The following ARMC8 variants were observed in gnomAD, a reference collection of about 807,000 sequenced individuals.
The protein encoded by ARMC8 is armadillo repeat-containing protein 8.
In ARMC8, 20 loss-of-function variants were observed where a neutral mutation model predicts 99.3. The observed-to-expected ratio is 0.20, with a 90% CI of 0.14 to 0.29. The LOEUF (loss-of-function observed/expected upper bound fraction) is 0.29, where lower values mean the gene tolerates loss of function less well. Ranked by LOEUF, ARMC8 falls within the 10% of genes least tolerant of loss-of-function variation. The pLI, the probability that ARMC8 is intolerant of heterozygous loss-of-function variation, is 1.00. For synonymous variants in ARMC8, 263 were observed against 278.3 expected (o/e 0.95, Z 0.55); for missense variants, 569 against 809.5 (o/e 0.70, Z 3.60).
intron 12 of ARMC8, among the ~76,000 whole-genome samples, chr3:138,249,022 A>G (rs1439143940): frequency 1.3e-5 from 2 of 152,112 alleles, no homozygotes; most frequent in Admixed American, 1.3e-4. Flanking sequence ...GAGGGCAGGG[A>G]TTTATTTGTG....
intron 6 of ARMC8, among the ~76,000 whole-genome samples, chr3:138,232,545 A>G (rs903486509): frequency 1.3e-5 from 2 of 152,196 alleles, no homozygotes; most frequent in African/African-American, 4.8e-5. Flanking sequence ...TATACACTGA[A>G]ATGATGTTAG....
At chr3:138,281,314 TAGAG>T (rs948731162) in intron 18 of ARMC8, among the ~76,000 whole-genome samples, 30 of 151,488 alleles carry the variant, frequency 2.0e-4, no homozygotes, top group Non-Finnish European at 4.4e-4. Context: ...TTTTTTTTGA[TAGAG>T]AGTCTCACTC....
chr3:138,237,609 T>C (rs763950862), intron 9 of ARMC8, 37 bp downstream of exon 9: 4 of 1,537,974 alleles, frequency 2.6e-6, no homozygotes, highest in Non-Finnish European at 3.6e-6. Context: ...AAGACAGTGC[T>C]TTATCAATAT....
In ARMC8 at chr3:138,239,387, A is replaced by G. The variant is rs944534048; in HGVS notation, c.777-81A>G. The G allele has an allele frequency of 1.3e-5, 14 of 1,111,058 alleles. No individual in the cohort carries two copies. In the South Asian group the frequency reaches 1.8e-4, roughly 14 times the overall value. The allele number at this position is 1,111,058 out of a possible 1,614,324, so 68.8% of individuals were successfully genotyped here. A position where few individuals can be genotyped will look rare whatever the true frequency, so the allele number is the denominator to read the frequency against. On this transcript the variant is annotated intron_variant, in intron 9 of 21. Coordinates refer to ENST00000469044, the MANE Select transcript of ARMC8 (RefSeq NM_001363941.2). ...ATATTATTTGGTTTTCGATTTTTTA[A>G]TAAAATCTTAAAGGCAAATAATTTT...
intron 19 of ARMC8, chr3:138,287,557 G>A (rs2050550236): frequency 2.2e-6 from 1 of 450,140 alleles, no homozygotes; most frequent in Non-Finnish European, 4.5e-6. Context: ...GTATATACAA[G>A]CTCATTTATT....
At chr3:138,188,633 A>G in intron 1 of ARMC8, 1 of 1,455,122 alleles carries the variant, frequency 6.9e-7, no homozygotes. Context: ...CTGAGAGGGT[A>G]GTTGGATTAT....
At chr3:138,290,875 G>A (rs1340795486) in intron 21 of ARMC8, among the ~76,000 whole-genome samples, 3 of 152,214 alleles carry the variant, frequency 2.0e-5, no homozygotes, top group Non-Finnish European at 1.5e-5. Flanking sequence ...GGCCATCTTA[G>A]TGGATTGGAT....
At position 138,278,299 on chromosome 3, in the gene ARMC8, A is replaced by ATTCT. The variant is rs2049509493; in HGVS notation, c.1725+3755_1725+3756insTTCT. ...AGGCAGGCGGATCACTTGAGGTCAGAAGTTCAGGACCAGCCTAGCAACATG... is the reference window on the plus strand; with the variant it reads ...AGGCAGGCGGATCACTTGAGGTCAGATTCTAGTTCAGGACCAGCCTAGCAACATG... On this transcript the variant is annotated intron_variant, in intron 18 of 21. Transcript: ENST00000469044. Among the ~76,000 whole-genome samples the ATTCT allele has an allele frequency of 2.6e-5, 4 of 151,924 alleles. No individual in the cohort carries two copies. The South Asian group carries it at 8.3e-4, about 32-fold the overall frequency.
chr3:138,275,384 C>T (rs1005487233), intron 18 of ARMC8, among the ~76,000 whole-genome samples: 1 of 152,042 alleles, frequency 6.6e-6, no homozygotes, highest in Non-Finnish European at 1.5e-5. Flanking sequence ...GGTGAAACCC[C>T]ATCTCTACTA....
intron 2 of ARMC8, among the ~76,000 whole-genome samples, chr3:138,219,978 T>C (rs921312226): frequency 1.2e-4 from 19 of 152,146 alleles, no homozygotes; most frequent in Non-Finnish European, 2.9e-5. Context: ...GAGGAAAAAC[T>C]GGGGAAATAT....
At chr3:138,229,190 G>GTA (rs1286775498) in intron 6 of ARMC8, 180 bp downstream of exon 6, 2 of 63,526 alleles carry the variant, frequency 3.1e-5, no homozygotes, top group African/African-American at 1.4e-4. Flanking sequence ...ATATGTATAT[G>GTA]TATATGTATA....
At chr3:138,195,546 C>G (rs1213118345) in intron 1 of ARMC8, among the ~76,000 whole-genome samples, 3 of 152,110 alleles carry the variant, frequency 2.0e-5, no homozygotes, top group African/African-American at 7.2e-5. Context: ...CTTATCACCT[C>G]CTATTTTCGC....
intron 1 of ARMC8, among the ~76,000 whole-genome samples, chr3:138,208,245 A>T (rs1448279970): frequency 6.6e-6 from 1 of 152,172 alleles, no homozygotes. Flanking sequence ...AGGCGGGCGG[A>T]TCACGAGGTC....
chr3:138,274,548 C>A lies in ARMC8; in HGVS notation c.1725+4C>A. The stretch of plus-strand genomic sequence containing the variant: ...TAACATTGAGGTCAAAGAGCAGGTA[C>A]GTTGTTCCTTTCTCTTGGGGAATAT... On this transcript the variant is annotated splice_donor_region_variant and intron_variant, in intron 18 of 21. Transcript: ENST00000469044. The A allele has an allele frequency of 1.3e-6, 2 of 1,599,428 alleles. No homozygotes were observed. The highest frequency in any genetic ancestry group is 2.2e-5 in the East Asian group (1 of 44,786).
chr3:138,192,796 A>G (rs779989437), intron 1 of ARMC8, among the ~76,000 whole-genome samples: 3 of 151,874 alleles, frequency 2.0e-5, no homozygotes, highest in Non-Finnish European at 4.4e-5. Context: ...CAGCCTTTCA[A>G]AGTGTTGGGA....
At chr3:138,212,820 G>A (rs2044779911) in intron 2 of ARMC8, among the ~76,000 whole-genome samples, 1 of 152,102 alleles carries the variant, frequency 6.6e-6, no homozygotes, top group Non-Finnish European at 1.5e-5. Context: ...ATTAATTTTA[G>A]GGAAGGAAAA....
chr3:138,237,329 A>G lies in ARMC8; in HGVS notation c.630A>G (p.Lys210=). 1.2e-6 allele frequency: 2 copies of G among 1,613,458 alleles called. No homozygotes were observed. Among genetic ancestry groups the G allele is most frequent in the Non-Finnish European group, 1.7e-6 (2 of 1,179,862 alleles). The change falls in exon 8 of 22, where the codon AAA becomes AAG. Residue 210 remains lysine, a synonymous_variant. Coordinates refer to ENST00000469044, the MANE Select transcript of ARMC8 (RefSeq NM_001363941.2). The stretch of plus-strand genomic sequence containing the variant: ...TACAGGTTCGAATGCAAGCACTGAA[A>G]TGTTTCTCAGTTTTAGCTTTTGAAA... ...LSYKVRMQAL[K]CFSVLAFENP...
chr3:138,219,318 G>C (rs560402611), intron 2 of ARMC8, among the ~76,000 whole-genome samples: 2 of 152,326 alleles, frequency 1.3e-5, no homozygotes, highest in South Asian at 4.1e-4. Context: ...ATGATCTACT[G>C]ACAGTAACTG....
At chr3:138,207,393 A>G in intron 1 of ARMC8, among the ~76,000 whole-genome samples, 1 of 152,322 alleles carries the variant, frequency 6.6e-6, no homozygotes, top group South Asian at 2.1e-4. Context: ...TTTATTTTTA[A>G]TGCTTTCCTC....
Sources: gnomAD v4.1 joint callset for allele counts (sites outside exome capture counted in the v4.1 genomes callset) on GRCh38, gnomAD v4.1.1 for gene constraint, MANE v1.5 for transcripts, NCBI Gene and HGNC (gene_info 2026-07-23, HGNC 2026-07-21) for gene names.